The following KLHL1 variants were observed in gnomAD, a reference collection of about 807,000 sequenced individuals.
The protein encoded by KLHL1 is kelch-like protein 1.
In KLHL1, 47 loss-of-function variants were observed where a neutral mutation model predicts 77.7. The ratio of observed to expected loss-of-function variants is 0.60; its 90% CI spans 0.48 to 0.77. The LOEUF (loss-of-function observed/expected upper bound fraction) is 0.77, where lower values mean the gene tolerates loss of function less well. KLHL1 is among the 30% of genes least tolerant of loss of function. KLHL1 has a pLI of 0.00. For synonymous variants in KLHL1, 360 were observed against 325.2 expected, an observed-to-expected ratio of 1.11 and a Z score of -1.15; for missense variants, 925 against 910.8, an observed-to-expected ratio of 1.02 and a Z score of -0.20.
At chr13:69,974,941 T>C (rs1884499648) in intron 2 of KLHL1, among the ~76,000 whole-genome samples, 1 of 152,048 alleles carries the variant, frequency 6.6e-6, no homozygotes, top group African/African-American at 2.4e-5. Flanking sequence ...GATTGAACTC[T>C]AAATCACCTG....
At chr13:69,794,975 C>G (rs1481283830) in intron 7 of KLHL1, among the ~76,000 whole-genome samples, 1 of 152,154 alleles carries the variant, frequency 6.6e-6, no homozygotes, top group Non-Finnish European at 1.5e-5. Context: ...AAGGCTGAAA[C>G]TTTACATTGG....
chr13:69,738,284 G>A (rs1361579705), intron 8 of KLHL1, among the ~76,000 whole-genome samples: 1 of 151,766 alleles, frequency 6.6e-6, no homozygotes, highest in East Asian at 2.0e-4. Context: ...CCATGAAGAT[G>A]AGAAAGAATC....
intron 6 of KLHL1, 30 bp from the exon 7 acceptor site, chr13:69,796,992 A>T (rs756919314): frequency 6.4e-7 from 1 of 1,560,686 alleles, no homozygotes; most frequent in East Asian, 2.2e-5. Flanking sequence ...AAAAGTCACC[A>T]ATTGCTATAA....
chr13:69,937,878 A>G (rs756147900), intron 4 of KLHL1, among the ~76,000 whole-genome samples: 12 of 152,190 alleles, frequency 7.9e-5, no homozygotes, highest in Non-Finnish European at 1.5e-5. Flanking sequence ...TCAAGTTTAC[A>G]TCTAAAGAGT....
At chr13:69,842,158 T>A (rs1879287404) in intron 5 of KLHL1, among the ~76,000 whole-genome samples, 1 of 151,516 alleles carries the variant, frequency 6.6e-6, no homozygotes, top group Admixed American at 6.6e-5. Flanking sequence ...GACTAAGACA[T>A]CAAAAGCACA....
At chr13:69,883,155 A>G (rs1037726116) in intron 4 of KLHL1, among the ~76,000 whole-genome samples, 7 of 152,132 alleles carry the variant, frequency 4.6e-5, no homozygotes, top group African/African-American at 1.4e-4. Context: ...ATCCTCTATC[A>G]TGATGACAGA....
intron 6 of KLHL1, among the ~76,000 whole-genome samples, chr13:69,810,230 G>T (rs774522023): frequency 6.6e-6 from 1 of 152,062 alleles, no homozygotes; most frequent in Non-Finnish European, 1.5e-5. Context: ...AACAGCCACA[G>T]AATATATATT....
At chr13:70,068,358 CAAAAACAAAAACA>C (rs1887062959) in intron 1 of KLHL1, among the ~76,000 whole-genome samples, 4 of 135,732 alleles carry the variant, frequency 2.9e-5, no homozygotes, top group African/African-American at 1.3e-4. Flanking sequence ...AAAACAAAAA[CAAAAACAAAAACA>C]AAAAAAAAGG....
chr13:70,064,248 T>G (rs1221522938), intron 1 of KLHL1, among the ~76,000 whole-genome samples: 3 of 152,142 alleles, frequency 2.0e-5, no homozygotes, highest in Non-Finnish European at 4.4e-5. Flanking sequence ...AAAACACCAT[T>G]TGCCCTCAGG....
At chr13:70,094,778 C>A (rs762918419) in intron 1 of KLHL1, among the ~76,000 whole-genome samples, 8 of 152,120 alleles carry the variant, frequency 5.3e-5, no homozygotes, top group Non-Finnish European at 8.8e-5. Context: ...TCTTCCACTG[C>A]CACTCCATTG....
chr13:69,805,737 G>A (rs528907128), intron 6 of KLHL1, among the ~76,000 whole-genome samples: 13 of 150,042 alleles, frequency 8.7e-5, no homozygotes, highest in African/African-American at 3.2e-4. Context: ...AGAGATATTT[G>A]TTGAATGAAT....
At chr13:69,776,696 A>G (rs1875843724) in intron 7 of KLHL1, among the ~76,000 whole-genome samples, 2 of 152,226 alleles carry the variant, frequency 1.3e-5, no homozygotes, top group South Asian at 4.1e-4. Context: ...TAAAAAAAGA[A>G]AAATATAAAA....
intron 6 of KLHL1, among the ~76,000 whole-genome samples, chr13:69,827,686 G>T (rs182841033): frequency 6.7e-4 from 99 of 146,734 alleles, no homozygotes; most frequent in Admixed American, 2.9e-3. Context: ...AGCCAAGATC[G>T]TGCCACTGCA....
intron 7 of KLHL1, among the ~76,000 whole-genome samples, chr13:69,792,258 G>A (rs1482694895): frequency 2.0e-5 from 3 of 151,860 alleles, no homozygotes. Context: ...ACAAGAATAG[G>A]AAAATATTTC....
At chr13:69,881,726 T>A (rs1880997169) in intron 5 of KLHL1, among the ~76,000 whole-genome samples, 1 of 151,584 alleles carries the variant, frequency 6.6e-6, no homozygotes, top group Admixed American at 6.6e-5. Context: ...TCACTTGGTG[T>A]CTAGAGGCTT....
intron 1 of KLHL1, among the ~76,000 whole-genome samples, chr13:70,012,454 TG>T (rs1413527939): frequency 4.6e-5 from 7 of 152,120 alleles, no homozygotes; most frequent in Admixed American, 1.3e-4. Context: ...AGCTTTTGTC[TG>T]AGGAACCTTC....
At chr13:69,943,732 A>G (rs1206111845) in intron 3 of KLHL1, among the ~76,000 whole-genome samples, 1 of 152,210 alleles carries the variant, frequency 6.6e-6, no homozygotes, top group Non-Finnish European at 1.5e-5. Flanking sequence ...TATTAATTTT[A>G]AACTGATTAT....
chr13:70,001,036 A>C (rs935964877), intron 1 of KLHL1, among the ~76,000 whole-genome samples: 5 of 151,364 alleles, frequency 3.3e-5, no homozygotes, highest in African/African-American at 1.2e-4. Flanking sequence ...AAGATATTAG[A>C]GACAAAAAGT....
chr13:69,713,935 A>G (rs1875993704), intron 9 of KLHL1, among the ~76,000 whole-genome samples: 1 of 152,148 alleles, frequency 6.6e-6, no homozygotes, highest in African/African-American at 2.4e-5. Context: ...GAAAGCAGTC[A>G]GCACAATGTT....
Sources: allele counts gnomAD v4.1 joint callset (sites outside exome capture counted in the v4.1 genomes callset), GRCh38; gene constraint gnomAD v4.1.1; transcripts MANE v1.5; gene names NCBI Gene and HGNC (gene_info 2026-07-23, HGNC 2026-07-21).